Variants in ANO10 observed in about 807,000 individuals in gnomAD.
ANO10 encodes anoctamin 10, also known as anoctamin-10.
In ANO10, 77 loss-of-function variants were observed where a neutral mutation model predicts 74.7. The ratio of observed to expected loss-of-function variants is 1.03; its 90% CI spans 0.86 to 1.25. The LOEUF (loss-of-function observed/expected upper bound fraction) is 1.25, where lower values mean the gene tolerates loss of function less well. ANO10 is among the 50% of genes most tolerant of loss of function. The probability of loss-of-function intolerance (pLI) is 0.00; values close to 1 mark genes in which losing one functional copy is unlikely to be tolerated. For synonymous variants in ANO10, 279 were observed against 284.9 expected, an observed-to-expected ratio of 0.98 and a Z score of 0.21; for missense variants, 721 against 778.1, an observed-to-expected ratio of 0.93 and a Z score of 0.87.
chr3:43,689,463 ACAAC>A, intron 1 of ANO10: 1 of 152,210 alleles, frequency 6.6e-6, no homozygotes, highest in East Asian at 1.9e-4. Context: ...CTTTCATGAA[ACAAC>A]CAGGAATTCC....
chr3:43,615,997 T>C (rs1050222829), intron 1 of ANO10, among the ~76,000 whole-genome samples: 2 of 152,188 alleles, frequency 1.3e-5, no homozygotes, highest in Non-Finnish European at 2.9e-5. Context: ...TATTTTGCTT[T>C]TCTTCACCAG....
At chr3:43,419,526 A>AT (rs1435177940) in intron 12 of ANO10, among the ~76,000 whole-genome samples, 17,017 of 141,344 alleles carry the variant, frequency 0.12, 1,097 homozygotes, top group Non-Finnish European at 0.15. Context: ...TATTTGTTGC[A>AT]TTTTTTTTTT....
rs2083382963 is a variant in ANO10, at chr3:43,621,373, G to T, written c.-12+536C>A. On this transcript the variant is annotated intron_variant, in intron 1 of 12. Transcript: ENST00000292246. ...AGCCTGGAAACTCAGTCACCTCGATGTGAGCATTATCCTGCAAGCCCGCTC... is the reference window on the plus strand; with the variant it reads ...AGCCTGGAAACTCAGTCACCTCGATTTGAGCATTATCCTGCAAGCCCGCTC... 2.6e-5 allele frequency among the ~76,000 whole-genome samples: 4 copies of T among 152,114 alleles called. No homozygotes were observed. In the South Asian group the frequency reaches 8.3e-4, roughly 31 times the overall value.
At chr3:43,423,665 A>G (rs1011770366) in intron 12 of ANO10, among the ~76,000 whole-genome samples, 4 of 152,248 alleles carry the variant, frequency 2.6e-5, no homozygotes, top group African/African-American at 9.6e-5. Flanking sequence ...AAAGGTGCAA[A>G]GGAGCCAGTA....
chr3:43,503,748 C>T (rs931247617), intron 11 of ANO10, among the ~76,000 whole-genome samples: 3 of 152,212 alleles, frequency 2.0e-5, no homozygotes, highest in Non-Finnish European at 1.5e-5. Context: ...CTTGGCTGCT[C>T]TGACCGTTAA....
intron 1 of ANO10, among the ~76,000 whole-genome samples, chr3:43,661,500 A>G (rs1364118195): frequency 6.6e-6 from 1 of 152,222 alleles, no homozygotes; most frequent in East Asian, 1.9e-4. Flanking sequence ...GCATCAATTA[A>G]TGGGCAAAAT....
intron 11 of ANO10, among the ~76,000 whole-genome samples, chr3:43,445,249 T>C (rs936087234): frequency 3.6e-4 from 55 of 151,280 alleles, no homozygotes; most frequent in Non-Finnish European, 4.4e-5. Flanking sequence ...GCAGGAAATA[T>C]ACAAGATGAG....
At chr3:43,556,219 C>A (rs957218218) in intron 9 of ANO10, among the ~76,000 whole-genome samples, 1 of 152,172 alleles carries the variant, frequency 6.6e-6, no homozygotes, top group Non-Finnish European at 1.5e-5. Context: ...TCTTAGCAAT[C>A]AAGCCATTTT....
At chr3:43,430,590 C>T (rs548390810) in intron 12 of ANO10, among the ~76,000 whole-genome samples, 62 of 151,996 alleles carry the variant, frequency 4.1e-4, no homozygotes, top group Non-Finnish European at 1.5e-4. Flanking sequence ...TAAATGAAAT[C>T]CCCAGTTTTA....
chr3:43,580,302 T>A (rs888723786), intron 5 of ANO10, 51 bp downstream of exon 5: 6 of 1,611,770 alleles, frequency 3.7e-6, no homozygotes, highest in Non-Finnish European at 5.1e-6. Context: ...AGATCGTAAC[T>A]TTTCATCAGA....
At chr3:43,570,733 A>G (rs2080660847) in intron 7 of ANO10, among the ~76,000 whole-genome samples, 1 of 144,372 alleles carries the variant, frequency 6.9e-6, no homozygotes, top group Non-Finnish European at 1.5e-5. Context: ...TAAAAACCCT[A>G]GAAGAAAACC....
chr3:43,686,764 G>C (rs1228162615), intron 1 of ANO10, among the ~76,000 whole-genome samples: 1 of 152,218 alleles, frequency 6.6e-6, no homozygotes, highest in Non-Finnish European at 1.5e-5. Context: ...GTATCAGAGA[G>C]TGTGGGTCTA....
At chr3:43,629,657 T>G (rs1044711802) in intron 1 of ANO10, among the ~76,000 whole-genome samples, 3 of 152,130 alleles carry the variant, frequency 2.0e-5, no homozygotes, top group African/African-American at 7.2e-5. Flanking sequence ...TTAGAAATAT[T>G]TTGAAGGTAG....
chr3:43,623,224 G>A (rs1339711921), upstream of ANO10, among the ~76,000 whole-genome samples: 2 of 152,120 alleles, frequency 1.3e-5, no homozygotes, highest in Non-Finnish European at 2.9e-5. Context: ...GGTGAGGCCA[G>A]AACAATAAGA....
At chr3:43,677,541 G>C (rs990976204) in intron 1 of ANO10, among the ~76,000 whole-genome samples, 2 of 152,208 alleles carry the variant, frequency 1.3e-5, no homozygotes, top group African/African-American at 4.8e-5. Context: ...AAATATAGTG[G>C]CTTAAAACCA....
intron 1 of ANO10, among the ~76,000 whole-genome samples, chr3:43,641,715 T>C (rs1255431458): frequency 6.6e-6 from 1 of 152,202 alleles, no homozygotes; most frequent in Non-Finnish European, 1.5e-5. Context: ...CACTGTCTAT[T>C]TTTAGGATCT....
intron 11 of ANO10, among the ~76,000 whole-genome samples, chr3:43,510,835 G>A (rs180961318): frequency 2.6e-5 from 4 of 152,192 alleles, no homozygotes; most frequent in African/African-American, 9.6e-5. Flanking sequence ...CTCTCTAACA[G>A]TCCTCTTACT....
intron 11 of ANO10, among the ~76,000 whole-genome samples, chr3:43,457,964 T>A (rs1408251241): frequency 2.0e-5 from 3 of 151,918 alleles, no homozygotes; most frequent in Non-Finnish European, 4.4e-5. Context: ...TTCCTATTCC[T>A]ATAGGAGTTT....
intron 11 of ANO10, among the ~76,000 whole-genome samples, chr3:43,514,737 G>C (rs1392888893): frequency 2.6e-5 from 4 of 152,110 alleles, no homozygotes. Context: ...CATTAAATAA[G>C]TCTCAATAAA....
Sources: allele counts gnomAD v4.1 joint callset (sites outside exome capture counted in the v4.1 genomes callset), GRCh38; gene constraint gnomAD v4.1.1; transcripts MANE v1.5; gene names NCBI Gene and HGNC (gene_info 2026-07-23, HGNC 2026-07-21).